Variants in IFT88 observed in about 807,000 individuals in gnomAD.
IFT88 encodes intraflagellar transport protein 88 homolog.
IFT88 carries 74 observed loss-of-function variants against 119.5 expected under a neutral mutation model. The observed-to-expected ratio is 0.62, with a 90% CI of 0.51 to 0.75. The LOEUF (loss-of-function observed/expected upper bound fraction) is 0.75, where lower values mean the gene tolerates loss of function less well. Among genes scored for constraint, IFT88 ranks in the 30% least tolerant of loss-of-function variants. IFT88 has a pLI of 0.00. For synonymous variants in IFT88, 279 were observed against 316.7 expected (o/e 0.88, Z 1.26); for missense variants, 961 against 977.7 (o/e 0.98, Z 0.23).
chr13:20,669,303 A>G (rs544786123), intron 23 of IFT88, among the ~76,000 whole-genome samples: 16 of 152,338 alleles, frequency 1.1e-4, no homozygotes, highest in African/African-American at 3.1e-4. Context: ...GGAAGTGCTT[A>G]CTTACCTTCG....
chr13:20,639,941 A>G (rs967384240), intron 17 of IFT88, among the ~76,000 whole-genome samples: 4 of 151,638 alleles, frequency 2.6e-5, no homozygotes, highest in African/African-American at 2.4e-5. Flanking sequence ...GGTGCGCTCC[A>G]CTACGCCCGT....
intron 1 of IFT88, among the ~76,000 whole-genome samples, chr13:20,569,618 T>G (rs1219626242): frequency 2.6e-5 from 4 of 151,924 alleles, no homozygotes; most frequent in East Asian, 1.9e-4. Flanking sequence ...CAGAGGATAG[T>G]ACAAAGAATG....
At chr13:20,627,145 A>T (rs2047472115) in intron 15 of IFT88, among the ~76,000 whole-genome samples, 1 of 152,218 alleles carries the variant, frequency 6.6e-6, no homozygotes, top group Non-Finnish European at 1.5e-5. Context: ...TACTATGCTT[A>T]ATTTTTTGAG....
At chr13:20,573,251 A>G (rs2036731208) in intron 1 of IFT88, among the ~76,000 whole-genome samples, 1 of 152,102 alleles carries the variant, frequency 6.6e-6, no homozygotes, top group African/African-American at 2.4e-5. Flanking sequence ...AATGTAGCCA[A>G]TCACTAATCA....
intron 24 of IFT88, among the ~76,000 whole-genome samples, chr13:20,678,491 G>T (rs2056955131): frequency 6.6e-6 from 1 of 152,212 alleles, no homozygotes; most frequent in Non-Finnish European, 1.5e-5. Context: ...AAGGAGCAGA[G>T]AAACAGGCCC....
chr13:20,669,492 C>T (rs561456399), intron 23 of IFT88, among the ~76,000 whole-genome samples: 71 of 148,792 alleles, frequency 4.8e-4, no homozygotes, highest in Admixed American at 4.4e-3. Flanking sequence ...GGTGTGATCT[C>T]GGCTCACTGC....
At chr13:20,654,085 TTAC>T (rs1330425732) in intron 21 of IFT88, among the ~76,000 whole-genome samples, 157 bp downstream of exon 21, 1 of 152,212 alleles carries the variant, frequency 6.6e-6, no homozygotes, top group East Asian at 1.9e-4. Context: ...AACACAATAA[TTAC>T]TACATACAAA....
chr13:20,571,744 G>C (rs114867620), intron 1 of IFT88, among the ~76,000 whole-genome samples: 1,888 of 152,306 alleles, frequency 0.012, 43 homozygotes, highest in African/African-American at 0.043. Flanking sequence ...AACTAGTGAG[G>C]TTCTGGGAAG....
At chr13:20,686,554 TAAAG>T (rs978382625) in intron 24 of IFT88, among the ~76,000 whole-genome samples, 3 of 82,540 alleles carry the variant, frequency 3.6e-5, no homozygotes, top group Non-Finnish European at 7.1e-5. Context: ...GTGTTAAAGA[TAAAG>T]AAATTGATAC....
In IFT88 at chr13:20,674,727, T is replaced by TG. The variant is rs372727305; in HGVS notation, c.2242+3688_2242+3689insG. Reference sequence around the variant, plus strand: ...TTATATATATATATATATATATATTTTTTTTTTTTTTTTTTTTTGAGACAG... The same window carrying TG: ...TTATATATATATATATATATATATTTGTTTTTTTTTTTTTTTTTTGAGACAG... On this transcript the variant is annotated intron_variant, in intron 24 of 25. Transcript: ENST00000351808. Among the ~76,000 whole-genome samples the TG allele has an allele frequency of 1.5e-3, 165 of 106,940 alleles. 1 individual carries two copies. Among genetic ancestry groups the TG allele is most frequent in the East Asian group, 3.0e-3 (12 of 4,024 alleles). 70.2% of individuals were successfully genotyped at this position (106,940 alleles called of 152,430 possible).
At chr13:20,619,958 G>T (rs1594289874) in intron 14 of IFT88, among the ~76,000 whole-genome samples, 1 of 152,190 alleles carries the variant, frequency 6.6e-6, no homozygotes, top group East Asian at 1.9e-4. Flanking sequence ...ACTCTCAGCA[G>T]ATTTTATATG....
intron 7 of IFT88, among the ~76,000 whole-genome samples, chr13:20,595,191 G>A (rs1458915312): frequency 1.3e-5 from 2 of 152,182 alleles, no homozygotes; most frequent in Non-Finnish European, 2.9e-5. Flanking sequence ...TTAAGCCCAA[G>A]AGTTCAAGCC....
intron 13 of IFT88, chr13:20,607,687 G>C: frequency 1.2e-6 from 1 of 852,670 alleles, no homozygotes; most frequent in South Asian, 1.3e-5. Flanking sequence ...GCAGCGACTT[G>C]ACTACGTCTC....
intron 20 of IFT88, among the ~76,000 whole-genome samples, chr13:20,649,498 G>T (rs1188219561): frequency 6.6e-6 from 1 of 152,078 alleles, no homozygotes; most frequent in Non-Finnish European, 1.5e-5. Context: ...TGCTGCAAAA[G>T]CATCCCTAAG....
intron 24 of IFT88, among the ~76,000 whole-genome samples, chr13:20,686,132 G>T (rs552899457): frequency 6.6e-6 from 1 of 152,300 alleles, no homozygotes; most frequent in South Asian, 2.1e-4. Context: ...TGATCTTTAA[G>T]GGGGATGCTG....
rs780879691 is a variant in IFT88, at chr13:20,638,472, G to C, written c.1527G>C (p.Glu509Asp). ...DYEKAAEFYKEALRNDSSCTE... is the reference protein window; with the variant it reads ...DYEKAAEFYKDALRNDSSCTE... ...AGAAGGCCGCTGAATTCTATAAAGA[G>C]GCTCTAAGAAATGATTCTTCTTGTA... Residue 509 changes from glutamate to aspartate, a missense_variant, in exon 17 of 26, where the codon GAG becomes GAC. Glu to Asp is a conservative substitution (Grantham distance 45). Transcript: ENST00000351808. 11 of 1,520,274 alleles carry C rather than the reference G, an allele frequency of 7.2e-6. No homozygotes were observed. Among genetic ancestry groups the C allele is most frequent in the South Asian group, 2.8e-5 (2 of 72,316 alleles). The allele number at this position is 1,520,274 out of a possible 1,614,324, so 94.2% of individuals were successfully genotyped here. A position where few individuals can be genotyped will look rare whatever the true frequency, so the allele number is the denominator to read the frequency against.
chr13:20,691,216 T>G lies in IFT88; in HGVS notation c.*41T>G. On this transcript the variant is annotated 3_prime_UTR_variant, in exon 26 of 26. Transcript: ENST00000351808. ...TTATTAAAGGAAAGAAATTGCCTTA[T>G]GAGATCATCCTCATGTTAAACCTTG... The G allele has an allele frequency of 6.4e-7, 1 of 1,565,020 alleles. No homozygotes were observed. Among genetic ancestry groups the G allele is most frequent in the Non-Finnish European group, 8.7e-7 (1 of 1,144,968 alleles).
intron 1 of IFT88, 112 bp from the exon 2 acceptor site, chr13:20,574,268 C>T (rs1458610951): frequency 4.0e-6 from 2 of 496,556 alleles, no homozygotes; most frequent in African/African-American, 4.0e-5. Flanking sequence ...TATAGTGAGC[C>T]GTGATTGTGC....
chr13:20,686,676 T>G (rs1230529070), intron 24 of IFT88, among the ~76,000 whole-genome samples: 2 of 152,306 alleles, frequency 1.3e-5, no homozygotes, highest in East Asian at 3.9e-4. Context: ...TTTAGAAAAT[T>G]AGCAAAAATG....
Sources: gnomAD v4.1 joint callset for allele counts (sites outside exome capture counted in the v4.1 genomes callset) on GRCh38, gnomAD v4.1.1 for gene constraint, MANE v1.5 for transcripts, NCBI Gene and HGNC (gene_info 2026-07-23, HGNC 2026-07-21) for gene names.